The following WNT9B variants were observed in gnomAD, a reference collection of about 807,000 sequenced individuals.
WNT9B encodes protein Wnt-9b.
WNT9B carries 12 observed loss-of-function variants against 30.2 expected under a neutral mutation model. That is an observed-to-expected ratio of 0.40 (90% CI 0.26 to 0.64). The LOEUF is 0.64. Ranked by LOEUF, WNT9B falls within the 30% of genes least tolerant of loss-of-function variation. The probability of loss-of-function intolerance (pLI) is 0.42; values close to 1 mark genes in which losing one functional copy is unlikely to be tolerated. For synonymous variants in WNT9B, 218 were observed against 216.9 expected (o/e 1.01, Z -0.05); for missense variants, 442 against 485.2 (o/e 0.91, Z 0.84).
At position 46,872,506 on chromosome 17, in the gene WNT9B, G is replaced by A. The variant is rs367573971; in HGVS notation, c.78-11G>A. 84 of 1,465,190 alleles carry A rather than the reference G, an allele frequency of 5.7e-5. No homozygotes were observed. Among genetic ancestry groups the A allele is most frequent in the Non-Finnish European group, 7.0e-5 (77 of 1,102,762 alleles). 90.8% of individuals were successfully genotyped at this position (1,465,190 alleles called of 1,614,324 possible). Reference sequence around the variant, plus strand: ...AAGGCTCACCTGTCTCCCTCCTCTCGCTCTCTCTAGCCTGACCGGGCGGGA... The same window carrying A: ...AAGGCTCACCTGTCTCCCTCCTCTCACTCTCTCTAGCCTGACCGGGCGGGA... On this transcript the variant is annotated splice_polypyrimidine_tract_variant and intron_variant, in intron 1 of 3. Coordinates refer to ENST00000290015, the MANE Select transcript of WNT9B (RefSeq NM_003396.3).
At chr17:46,854,627 TAA>T (rs79563153) in intron 1 of WNT9B, among the ~76,000 whole-genome samples, 1 of 151,438 alleles carries the variant, frequency 6.6e-6, no homozygotes, top group African/African-American at 2.4e-5. Flanking sequence ...TTAATGGTGA[TAA>T]AAAAAAACAT....
chr17:46,868,316 G>A (rs900416371), intron 1 of WNT9B, among the ~76,000 whole-genome samples: 1 of 152,226 alleles, frequency 6.6e-6, no homozygotes, highest in Non-Finnish European at 1.5e-5. Flanking sequence ...ATTTGGCTGG[G>A]CGTGGTGGCT....
chr17:46,872,585 G>T lies in WNT9B; in HGVS notation c.146G>T (p.Gly49Val). The change falls in exon 2 of 4, where the codon GGG (glycine) becomes GTG (valine). Residue 49 changes from glycine (G) to valine (V), a missense_variant. Transcript: ENST00000290015. ...ACTGCGGCAGCCCCGGCACAGGGCG[G>T]GGCCCACCTGAAGCAGTGTGACCTG... ...LGTAAAPAQG[G>V]AHLKQCDLLK... is the part of the protein sequence containing the mutation. The T allele has an allele frequency of 6.2e-7, 1 of 1,609,552 alleles. No individual in the cohort carries two copies. The highest frequency in any genetic ancestry group is 8.5e-7 in the Non-Finnish European group (1 of 1,177,692).
At chr17:46,881,792 A>C (rs911758016), downstream of WNT9B, among the ~76,000 whole-genome samples, 1 of 152,226 alleles carries the variant, frequency 6.6e-6, no homozygotes, top group Non-Finnish European at 1.5e-5. Flanking sequence ...TTGCATTTGC[A>C]ATATCTATCT....
chr17:46,860,078 A>G (rs988798356), intron 1 of WNT9B, among the ~76,000 whole-genome samples: 1 of 152,226 alleles, frequency 6.6e-6, no homozygotes, highest in Non-Finnish European at 1.5e-5. Context: ...AAAGCCAAAC[A>G]TCGCTGATAA....
At chr17:46,874,494 G>T (rs2085309778) in intron 2 of WNT9B, among the ~76,000 whole-genome samples, 1 of 152,184 alleles carries the variant, frequency 6.6e-6, no homozygotes, top group Admixed American at 6.5e-5. Context: ...GGTGAAGGCC[G>T]TAGCCCCTGG....
upstream of WNT9B, among the ~76,000 whole-genome samples, chr17:46,848,873 C>T (rs2084806466): frequency 6.6e-6 from 1 of 152,188 alleles, no homozygotes. Flanking sequence ...GTCCCAGCCT[C>T]CCAGAGGGCT....
chr17:46,838,618 C>A (rs976160260), intron 1 of WNT9B, among the ~76,000 whole-genome samples: 4 of 151,842 alleles, frequency 2.6e-5, no homozygotes, highest in African/African-American at 9.7e-5. Flanking sequence ...CAGAGCGAGA[C>A]CCTGTCTCAA....
rs1242785878 is a variant in WNT9B, at chr17:46,875,157, C to A, written c.391C>A (p.Leu131Met). 9.3e-6 allele frequency: 15 copies of A among 1,614,042 alleles called. No homozygotes were observed. The highest frequency in any genetic ancestry group is 1.3e-5 in the Non-Finnish European group (15 of 1,180,044). The part of the protein sequence containing the change: ...AVSSAALTHT[L>M]ARACSAGRME... ...GTCCTCTGCCGCCCTCACCCACACCCTGGCCCGGGCCTGCAGCGCTGGGCG... is the reference window on the plus strand; with the variant it reads ...GTCCTCTGCCGCCCTCACCCACACCATGGCCCGGGCCTGCAGCGCTGGGCG... The change falls in exon 3 of 4, where the codon CTG becomes ATG. Residue 131 changes from leucine to methionine, a missense_variant. Coordinates refer to ENST00000290015, the MANE Select transcript of WNT9B (RefSeq NM_003396.3).
chr17:46,868,319 T>C (rs182552927), intron 1 of WNT9B, among the ~76,000 whole-genome samples: 47 of 152,294 alleles, frequency 3.1e-4, no homozygotes, highest in South Asian at 1.2e-3. Context: ...TGGCTGGGCG[T>C]GGTGGCTCAT....
At chr17:46,872,935 A>C (rs1420064893) in intron 2 of WNT9B, among the ~76,000 whole-genome samples, 162 bp downstream of exon 2, 1 of 152,078 alleles carries the variant, frequency 6.6e-6, no homozygotes. Context: ...CACAAGAGTT[A>C]ATGAGGGGCA....
chr17:46,843,351 G>C (rs1037437293), intron 1 of WNT9B, among the ~76,000 whole-genome samples: 3 of 152,126 alleles, frequency 2.0e-5, no homozygotes, highest in Admixed American at 2.0e-4. Flanking sequence ...ATGACAACCA[G>C]TGGGAAAACT....
Position 46,875,382 on chromosome 17 carries a change from G to A in WNT9B, c.600+16G>A. 1 of 1,576,942 alleles carries A rather than the reference G, an allele frequency of 6.3e-7. No homozygotes were observed. Among genetic ancestry groups the A allele is most frequent in the Non-Finnish European group, 8.6e-7 (1 of 1,158,374 alleles). On this transcript the variant is annotated intron_variant, in intron 3 of 3. Transcript: ENST00000290015. ...GGGCATCAAGGTGAGCATGTCCCTGGCTGCCCGCAGTGCCTTCCCACCAGG... is the reference window on the plus strand; with the variant it reads ...GGGCATCAAGGTGAGCATGTCCCTGACTGCCCGCAGTGCCTTCCCACCAGG...
chr17:46,836,095 C>CGTGGGTGTGTGTGT (rs2084626567), intron 1 of WNT9B, among the ~76,000 whole-genome samples: 1 of 126,434 alleles, frequency 7.9e-6, no homozygotes, highest in Non-Finnish European at 1.6e-5. Flanking sequence ...GAGACGCTGA[C>CGTGGGTGTGTGTGT]GTGTGTGTGT....
chr17:46,870,493 C>G (rs1275730956), intron 1 of WNT9B, among the ~76,000 whole-genome samples: 1 of 152,226 alleles, frequency 6.6e-6, no homozygotes, highest in East Asian at 1.9e-4. Flanking sequence ...TGCCCTCACC[C>G]TGTCTGGGAG....
At chr17:46,850,552 T>C (rs62071985), upstream of WNT9B, among the ~76,000 whole-genome samples, 25,527 of 152,140 alleles carry the variant, frequency 0.17, 2,456 homozygotes, top group East Asian at 0.39. Context: ...TTGGAAACTT[T>C]ACATGCAGAT....
intron 1 of WNT9B, among the ~76,000 whole-genome samples, chr17:46,869,700 G>C (rs2085204745): frequency 6.6e-6 from 1 of 152,174 alleles, no homozygotes; most frequent in Non-Finnish European, 1.5e-5. Context: ...GGGAGTCCCA[G>C]ACAAGAACAC....
exon 1 of WNT9B, chr17:46,833,279 C>T (rs2084579121): frequency 2.1e-6 from 1 of 473,616 alleles, no homozygotes; most frequent in Non-Finnish European, 4.2e-6. Flanking sequence ...GGTGATGGCT[C>T]CTTCCACAAG....
upstream of WNT9B, among the ~76,000 whole-genome samples, chr17:46,850,619 ACT>A (rs1319211797): frequency 1.3e-5 from 2 of 152,078 alleles, no homozygotes; most frequent in South Asian, 2.1e-4. Flanking sequence ...CGTGTTCGAG[ACT>A]CTCAAAAACA....
Sources: allele counts gnomAD v4.1 joint callset (sites outside exome capture counted in the v4.1 genomes callset), GRCh38; gene constraint gnomAD v4.1.1; transcripts MANE v1.5; gene names NCBI Gene and HGNC (gene_info 2026-07-23, HGNC 2026-07-21).